Variants in TMEM114 observed in about 807,000 individuals in gnomAD.
TMEM114 encodes transmembrane protein 114.
In TMEM114, 6 loss-of-function variants were observed where a neutral mutation model predicts 6.2. That is an observed-to-expected ratio of 0.97 (90% confidence interval 0.53 to 1.91). TMEM114 has a LOEUF of 1.91. TMEM114 is among the 40% of genes most tolerant of loss of function. The probability of loss-of-function intolerance (pLI) is 0.01; values close to 1 mark genes in which losing one functional copy is unlikely to be tolerated. For synonymous variants in TMEM114, 104 were observed against 73.0 expected, an observed-to-expected ratio of 1.42 and a Z score of -2.16; for missense variants, 218 against 158.3, an observed-to-expected ratio of 1.38 and a Z score of -2.02.
rs1041842374 is a variant in TMEM114, at chr16:8,590,237, C to A, written c.-399G>T. 1 of 188,724 alleles carries A rather than the reference C, an allele frequency of 5.3e-6. No individual in the cohort carries two copies. Among genetic ancestry groups the A allele is most frequent in the Non-Finnish European group, 1.1e-5 (1 of 92,306 alleles). The allele number at this position is 188,724 out of a possible 1,614,324, so 11.7% of individuals were successfully genotyped here. ...TCCACCCTCGGCCCTCCACGCCCAG[C>A]CCAAGCGGACTCTCTCACTTCAAAA... On this transcript the variant is annotated 5_prime_UTR_variant, in exon 1 of 4. Transcript: ENST00000620492.
chr16:8,565,283 A>C (rs1901503221), downstream of TMEM114, among the ~76,000 whole-genome samples: 1 of 152,206 alleles, frequency 6.6e-6, no homozygotes, highest in African/African-American at 2.4e-5. Flanking sequence ...ACAAAGACTG[A>C]ATGCGTGCAT....
chr16:8,569,930 A>G lies in TMEM114; in HGVS notation c.515T>C (p.Leu172Ser), dbSNP rs1037223101. Residue 172 changes from leucine to serine, a missense_variant, in exon 4 of 4, where the codon TTG (leucine) becomes TCG (serine). By Grantham distance (145) the Leu-to-Ser change is moderately radical. Coordinates refer to ENST00000620492, the MANE Select transcript of TMEM114 (RefSeq NM_001146336.2). Reference sequence around the variant, plus strand: ...CTGGTCCAGGAGGGCCTTCTCCTCCAAGAGACACAGCGCCTCCCGGAAGGC... The same window carrying G: ...CTGGTCCAGGAGGGCCTTCTCCTCCGAGAGACACAGCGCCTCCCGGAAGGC... ...AAAFREALCL[L>S]EEKALLDQVD... 8.4e-6 allele frequency: 13 copies of G among 1,551,176 alleles called. No individual in the cohort carries two copies. The highest frequency in any genetic ancestry group is 1.4e-5 in the African/African-American group (1 of 73,184).
intron 2 of TMEM114, among the ~76,000 whole-genome samples, chr16:8,564,155 T>C (rs148961225): frequency 6.5e-5 from 7 of 107,404 alleles, no homozygotes; most frequent in Non-Finnish European, 6.1e-5. Context: ...GTGAATGAGT[T>C]AGTGAATGAG....
At chr16:8,584,711 C>T (rs897121983) in intron 2 of TMEM114, among the ~76,000 whole-genome samples, 6 of 151,990 alleles carry the variant, frequency 3.9e-5, no homozygotes, top group Non-Finnish European at 8.8e-5. Context: ...CACCTGAGGT[C>T]AGGAGTTTGA....
chr16:8,527,044 C>T, the TMEM114 span, among the ~76,000 whole-genome samples: 3 of 152,150 alleles, frequency 2.0e-5, no homozygotes, highest in Non-Finnish European at 2.9e-5. Context: ...CCCAACTCTG[C>T]TAAACATAGC....
chr16:8,537,104 G>A (rs1207769390), downstream of TMEM114, among the ~76,000 whole-genome samples: 1 of 152,108 alleles, frequency 6.6e-6, no homozygotes, highest in African/African-American at 2.4e-5. Flanking sequence ...TTCTTGGGAG[G>A]CTGAGGCTGG....
intron 2 of TMEM114, among the ~76,000 whole-genome samples, chr16:8,547,761 G>A (rs1900717411): frequency 6.6e-6 from 1 of 152,136 alleles, no homozygotes. Context: ...TCCTTGCGTG[G>A]CCTCTGAGTG....
At position 8,579,256 on chromosome 16, in the gene TMEM114, C is replaced by T. The variant is rs569453571; in HGVS notation, c.302-7032G>A. 2.0e-5 allele frequency among the ~76,000 whole-genome samples: 3 copies of T among 152,226 alleles called. No homozygotes were observed. The South Asian group carries it at 6.2e-4, about 32-fold the overall frequency. Reference sequence around the variant, plus strand: ...AAGCCCCGAGCGGTCAATGCTCTTACGCAGAGCAGGGGATGTCTCTTACCC... The same window carrying T: ...AAGCCCCGAGCGGTCAATGCTCTTATGCAGAGCAGGGGATGTCTCTTACCC... On this transcript the variant is annotated intron_variant, in intron 2 of 3. Coordinates refer to ENST00000620492, the MANE Select transcript of TMEM114 (RefSeq NM_001146336.2).
intron 2 of TMEM114, among the ~76,000 whole-genome samples, chr16:8,557,809 C>T (rs751140674): frequency 2.0e-5 from 3 of 152,200 alleles, no homozygotes; most frequent in Admixed American, 6.5e-5. Flanking sequence ...CATCTGGTAA[C>T]GTGAGCTGTT....
rs542878456 is a variant in TMEM114 at position 8,551,239 on chromosome 16, C to A, written n.213-13413G>T. On this transcript the variant is annotated intron_variant and non_coding_transcript_variant, in intron 2 of 2. Transcript: ENST00000623677. ...GCCAGACTTTGTTAATTTCATGAGGCAGGGGAAATGCAAGTTTCACGCTCC... is the reference window on the plus strand; with the variant it reads ...GCCAGACTTTGTTAATTTCATGAGGAAGGGGAAATGCAAGTTTCACGCTCC... 2.6e-5 allele frequency among the ~76,000 whole-genome samples: 4 copies of A among 152,216 alleles called. No individual in the cohort carries two copies. The South Asian group carries it at 8.3e-4, about 32-fold the overall frequency.
Position 8,576,341 on chromosome 16 carries a change from C to T in TMEM114, c.302-4117G>A, listed in dbSNP as rs540988225. ...CCTCCAAAGACACCCCATCAAAGCC[C>T]GAATCCCGTAAGTCCTTCCTGGCAA... On this transcript the variant is annotated intron_variant, in intron 2 of 3. Transcript: ENST00000620492. Among the ~76,000 whole-genome samples, 335 of 152,312 alleles carry T rather than the reference C, an allele frequency of 2.2e-3. 2 individuals are homozygous for T. The highest frequency in any genetic ancestry group is 3.5e-3 in the Non-Finnish European group (241 of 68,028).
chr16:8,536,382 C>T (rs190944149), downstream of TMEM114, among the ~76,000 whole-genome samples: 7 of 152,188 alleles, frequency 4.6e-5, no homozygotes, highest in Non-Finnish European at 7.3e-5. Context: ...CACACCTTGA[C>T]GTCTTCTTCG....
At chr16:8,563,673 G>A (rs371044705) in intron 2 of TMEM114, among the ~76,000 whole-genome samples, 1 of 141,536 alleles carries the variant, frequency 7.1e-6, no homozygotes, top group African/African-American at 2.5e-5. Context: ...GAATAAGTAA[G>A]TGAATGAGTA....
rs141667103 is a variant in TMEM114, at chr16:8,563,850, G to A, written n.212+25363C>T. 4.1e-3 allele frequency among the ~76,000 whole-genome samples: 566 copies of A among 137,420 alleles called. 16 individuals are homozygous for A. Among genetic ancestry groups the A allele is most frequent in the Admixed American group, 0.028 (393 of 14,074 alleles). The allele number at this position is 137,420 out of a possible 152,430, so 90.2% of individuals were successfully genotyped here. A position where few individuals can be genotyped will look rare whatever the true frequency, so the allele number is the denominator to read the frequency against. On this transcript the variant is annotated intron_variant and non_coding_transcript_variant, in intron 2 of 2. Transcript: ENST00000623677. Reference sequence around the variant, plus strand: ...GTGAATGAGTGAGGGAGGGAGGGAGGGAGGGAGGGAATGAGTGAATGAGTG... The same window carrying A: ...GTGAATGAGTGAGGGAGGGAGGGAGAGAGGGAGGGAATGAGTGAATGAGTG...
At chr16:8,527,737 A>G in the TMEM114 span, among the ~76,000 whole-genome samples, 1 of 152,184 alleles carries the variant, frequency 6.6e-6, no homozygotes, top group African/African-American at 2.4e-5. Flanking sequence ...GTCCAAAGCC[A>G]CAAGCTGCAA....
chr16:8,547,076 G>C (rs1221218118), intron 2 of TMEM114, among the ~76,000 whole-genome samples: 2 of 152,224 alleles, frequency 1.3e-5, no homozygotes, highest in East Asian at 1.9e-4. Flanking sequence ...CTGCAGGTAA[G>C]TGTCCTCAGG....
Position 8,562,985 on chromosome 16 carries a change from GGAGT to G in TMEM114, n.213-25163_213-25160del, listed in dbSNP as rs1303812139. Among the ~76,000 whole-genome samples, 34 of 59,132 alleles carry G rather than the reference GGAGT, an allele frequency of 5.7e-4. 2 individuals carry two copies. The South Asian group carries it at 0.018, about 31-fold the overall frequency. 38.8% of individuals were successfully genotyped at this position (59,132 alleles called of 152,430 possible). On this transcript the variant is annotated intron_variant and non_coding_transcript_variant, in intron 2 of 2. Transcript: ENST00000623677. ...ATGAGTGAGAGAGTGATGGAGGGAA[GGAGT>G]GAGTGAATGAGTGAGTGAATGAATG...
At chr16:8,536,519 A>G (rs1900365036), downstream of TMEM114, among the ~76,000 whole-genome samples, 1 of 152,224 alleles carries the variant, frequency 6.6e-6, no homozygotes, top group Non-Finnish European at 1.5e-5. Flanking sequence ...CAACTAATTT[A>G]TTACTAAAAT....
intron 2 of TMEM114, among the ~76,000 whole-genome samples, chr16:8,582,863 C>T (rs1258937462): frequency 1.3e-5 from 2 of 151,916 alleles, no homozygotes; most frequent in Admixed American, 1.3e-4. Flanking sequence ...CTCAGCACTA[C>T]ACTCCAGCCT....
Sources: allele counts gnomAD v4.1 joint callset (sites outside exome capture counted in the v4.1 genomes callset), GRCh38; gene constraint gnomAD v4.1.1; transcripts MANE v1.5; gene names NCBI Gene and HGNC (gene_info 2026-07-23, HGNC 2026-07-21).